Variants in OCLN observed in about 807,000 individuals in gnomAD.
OCLN encodes phosphatase 1, regulatory subunit 115.
A neutral mutation model predicts 47.9 loss-of-function variants in OCLN; 21 were observed. The ratio of observed to expected loss-of-function variants is 0.44; its 90% CI spans 0.31 to 0.63. The LOEUF is 0.63. OCLN is among the 30% of genes least tolerant of loss of function. The probability of loss-of-function intolerance (pLI) is 0.08; values close to 1 mark genes in which losing one functional copy is unlikely to be tolerated. For missense variants in OCLN, 360 were observed against 571.0 expected, an observed-to-expected ratio of 0.63 and a Z score of 3.77; for synonymous variants, 117 against 198.4, an observed-to-expected ratio of 0.59 and a Z score of 3.45.
intron 7 of OCLN, among the ~76,000 whole-genome samples, chr5:69,548,757 G>C (rs1212372538): frequency 6.6e-6 from 1 of 150,974 alleles, no homozygotes; most frequent in Non-Finnish European, 1.5e-5. Context: ...TCAGGAGTTA[G>C]AGAATAGCGT....
At chr5:69,495,998 C>G (rs1768276880) in intron 1 of OCLN, among the ~76,000 whole-genome samples, 1 of 152,152 alleles carries the variant, frequency 6.6e-6, no homozygotes, top group Admixed American at 6.5e-5. Context: ...AATACAATTT[C>G]TGACACAGAG....
intron 4 of OCLN, among the ~76,000 whole-genome samples, chr5:69,516,194 C>T (rs1768961773): frequency 6.6e-6 from 1 of 152,104 alleles, no homozygotes; most frequent in Non-Finnish European, 1.5e-5. Flanking sequence ...CACTGCACTC[C>T]AGCCTGGGCA....
rs142213381 is a variant in OCLN at position 69,497,526 on chromosome 5, T to G, written c.-69+4626T>G. Reference sequence around the variant, plus strand: ...CCTCAGCCTCCCAAGTAGCTGGGATTACAAGCACACACCACCATGCCCAAC... The same window carrying G: ...CCTCAGCCTCCCAAGTAGCTGGGATGACAAGCACACACCACCATGCCCAAC... On this transcript the variant is annotated intron_variant, in intron 1 of 8. Coordinates refer to ENST00000396442, the MANE Select transcript of OCLN (RefSeq NM_001205254.2). Among the ~76,000 whole-genome samples the G allele has an allele frequency of 5.3e-4, 80 of 152,142 alleles. No individual in the cohort carries two copies. In the East Asian group the frequency reaches 0.014, roughly 26 times the overall value.
chr5:69,518,322 A>G (rs2112011705), intron 4 of OCLN, among the ~76,000 whole-genome samples: 1 of 152,344 alleles, frequency 6.6e-6, no homozygotes, highest in East Asian at 1.9e-4. Flanking sequence ...GTTGAATAGC[A>G]GATATATGAT....
At chr5:69,511,825 G>T (rs546055210) in intron 3 of OCLN, among the ~76,000 whole-genome samples, 1 of 152,212 alleles carries the variant, frequency 6.6e-6, no homozygotes, top group African/African-American at 2.4e-5. Context: ...AGGAGTTCGA[G>T]ACCAGCCTGG....
intron 1 of OCLN, among the ~76,000 whole-genome samples, chr5:69,494,038 G>GT (rs1405219844): frequency 1.3e-5 from 2 of 152,228 alleles, no homozygotes; most frequent in African/African-American, 2.4e-5. Context: ...GGCAACAGGT[G>GT]TATTATTGGG....
In OCLN at chr5:69,509,179, G is replaced by T; in HGVS notation, c.89G>T (p.Gly30Val). The change falls in exon 3 of 9, where the codon GGT (glycine) becomes GTT (valine). Residue 30 changes from glycine (G) to valine (V), a missense_variant. Around this residue, in one of 3 missense-constraint regions of OCLN, gnomAD observed 314 missense variants for 368.1 expected, o/e 0.85. Transcript: ENST00000396442. ...TATGCACCAAGCAATGACATATATG[G>T]TGGAGAGATGCATGTTCGACCAATG... ...NHYAPSNDIY[G>V]GEMHVRPMLS... The T allele has an allele frequency of 6.2e-7, 1 of 1,614,100 alleles. No homozygotes were observed. Among genetic ancestry groups the T allele is most frequent in the Non-Finnish European group, 8.5e-7 (1 of 1,180,004 alleles).
chr5:69,514,282 T>G (rs1346858209), intron 4 of OCLN, among the ~76,000 whole-genome samples, 173 bp downstream of exon 4: 1 of 152,224 alleles, frequency 6.6e-6, no homozygotes, highest in Non-Finnish European at 1.5e-5. Context: ...GAAATGGTTT[T>G]ACTAAAAGGT....
At position 69,509,151 on chromosome 5, in the gene OCLN, CATT is replaced by C; in HGVS notation, c.64_66del (p.Tyr22del). The C allele has an allele frequency of 6.2e-7, 1 of 1,613,808 alleles. No homozygotes were observed. The highest frequency in any genetic ancestry group is 1.1e-5 in the South Asian group (1 of 91,076). On this transcript the variant is annotated inframe_deletion, in exon 3 of 9. Coordinates refer to ENST00000396442, the MANE Select transcript of OCLN (RefSeq NM_001205254.2). ...TCATGTTCATTTCAGCAAACCGAAT[CATT>C]ATGCACCAAGCAATGACATATATGG...
chr5:69,503,119 G>T (rs1426285374), intron 1 of OCLN, among the ~76,000 whole-genome samples: 1 of 152,158 alleles, frequency 6.6e-6, no homozygotes, highest in Admixed American at 6.5e-5. Flanking sequence ...CACCCAGCAC[G>T]TCGGTAGGTG....
At position 69,527,276 on chromosome 5, in the gene OCLN, C is replaced by CA. The variant is rs764804781; in HGVS notation, c.892-7404dup. Among the ~76,000 whole-genome samples, 1,019 of 125,486 alleles carry CA rather than the reference C, an allele frequency of 8.1e-3. 6 individuals are homozygous for CA. The highest frequency in any genetic ancestry group is 0.025 in the African/African-American group (851 of 33,996). 82.3% of individuals were successfully genotyped at this position (125,486 alleles called of 152,430 possible). On this transcript the variant is annotated intron_variant, in intron 4 of 8. Coordinates refer to ENST00000396442, the MANE Select transcript of OCLN (RefSeq NM_001205254.2). ...TGGGTAACAGAGTGAGACTTCGTCT[C>CA]AAAAAAAAAAAAAAGGTGAAGCAGG...
rs941691843 is a variant in OCLN at position 69,503,957 on chromosome 5, A to C, written c.-68-220A>C. Among the ~76,000 whole-genome samples the C allele has an allele frequency of 3.3e-5, 5 of 152,260 alleles. No homozygotes were observed. In the South Asian group the frequency reaches 1.0e-3, roughly 32 times the overall value. ...TGTACAAAAAATACAGGAATTAGCC[A>C]GGCATGGTGGTGCAGGTCTGTAGTC... On this transcript the variant is annotated intron_variant, in intron 1 of 8. Transcript: ENST00000396442.
intron 1 of OCLN, among the ~76,000 whole-genome samples, chr5:69,495,867 T>G (rs1356817446): frequency 6.6e-6 from 1 of 152,140 alleles, no homozygotes; most frequent in Non-Finnish European, 1.5e-5. Flanking sequence ...GTGTAAAAGA[T>G]CTGGGCTTTC....
At chr5:69,514,132 A>G (rs1768861902) in intron 4 of OCLN, 23 bp downstream of exon 4, 2 of 1,608,234 alleles carry the variant, frequency 1.2e-6, no homozygotes, top group South Asian at 1.1e-5. Context: ...AAATAACTTT[A>G]CATCTTTTAT....
At position 69,506,282 on chromosome 5, in the gene OCLN, A is replaced by AGAAT. The variant is rs573430568; in HGVS notation, c.50+2004_50+2007dup. On this transcript the variant is annotated intron_variant, in intron 2 of 8. Coordinates refer to ENST00000396442, the MANE Select transcript of OCLN (RefSeq NM_001205254.2). ...CAACATAGGGAAACCCTGTCTTTTA[A>AGAAT]GAATGAATGAATGAATGAACAAACA... Among the ~76,000 whole-genome samples, 19 of 152,298 alleles carry AGAAT rather than the reference A, an allele frequency of 1.2e-4. No individual in the cohort carries two copies. In the East Asian group the frequency reaches 3.5e-3, roughly 28 times the overall value.
intron 3 of OCLN, among the ~76,000 whole-genome samples, chr5:69,510,660 A>G (rs1004573384): frequency 1.3e-5 from 2 of 152,086 alleles, no homozygotes; most frequent in African/African-American, 4.8e-5. Flanking sequence ...CTCCAGCCTG[A>G]GCGACAGAGC....
intron 4 of OCLN, among the ~76,000 whole-genome samples, chr5:69,520,596 G>A (rs1183657927): frequency 6.6e-6 from 1 of 151,456 alleles, no homozygotes; most frequent in African/African-American, 2.4e-5. Context: ...CTGGCCTGGG[G>A]TACTTTCTTT....
intron 4 of OCLN, among the ~76,000 whole-genome samples, chr5:69,520,303 C>T (rs1561342863): frequency 7.6e-6 from 1 of 130,788 alleles, no homozygotes; most frequent in Non-Finnish European, 1.6e-5. Context: ...CTATGGGGTA[C>T]TTTTTTTTTT....
At chr5:69,518,282 G>A (rs771680697) in intron 4 of OCLN, among the ~76,000 whole-genome samples, 1 of 152,174 alleles carries the variant, frequency 6.6e-6, no homozygotes, top group Non-Finnish European at 1.5e-5. Flanking sequence ...CTAGTAACAA[G>A]TATTTTCATT....
Sources: allele counts gnomAD v4.1 joint callset (sites outside exome capture counted in the v4.1 genomes callset), GRCh38; gene constraint gnomAD v4.1.1; regional missense constraint gnomAD v4.1.1; transcripts MANE v1.5; gene names NCBI Gene and HGNC (gene_info 2026-07-23, HGNC 2026-07-21).